The following ALDH1A1 variants were observed in gnomAD, a reference collection of about 807,000 sequenced individuals.
ALDH1A1 encodes the protein aldehyde dehydrogenase 1 family member A1.
In ALDH1A1, 19 loss-of-function variants were observed where a neutral mutation model predicts 62.1. That is an observed-to-expected ratio of 0.31 (90% confidence interval 0.21 to 0.45). The LOEUF (loss-of-function observed/expected upper bound fraction) is 0.45, where lower values mean the gene tolerates loss of function less well. Among genes scored for constraint, ALDH1A1 ranks in the 20% least tolerant of loss-of-function variants. The pLI is 1.00. For synonymous variants in ALDH1A1, 231 were observed against 215.9 expected (o/e 1.07, Z -0.61); for missense variants, 521 against 607.1 (o/e 0.86, Z 1.49).
chr9:72,906,963 C>A (rs549992113), intron 11 of ALDH1A1, among the ~76,000 whole-genome samples: 116 of 152,166 alleles, frequency 7.6e-4, no homozygotes, highest in African/African-American at 2.7e-3. Context: ...CATAGCAAAC[C>A]CTTGCCTCTA....
Position 72,927,211 on chromosome 9 carries a change from C to G in ALDH1A1, c.443-34G>C, listed in dbSNP as rs767261163. ...TAAAACACACACAATCATATATAAA[C>G]AAATGTATTTGACATTCACAAAATG... On this transcript the variant is annotated intron_variant, in intron 4 of 12. Coordinates refer to ENST00000297785, the MANE Select transcript of ALDH1A1 (RefSeq NM_000689.5). 4 of 1,479,038 alleles carry G rather than the reference C, an allele frequency of 2.7e-6. No homozygotes were observed. The Admixed American group carries it at 5.9e-5, about 22-fold the overall frequency. The allele number at this position is 1,479,038 out of a possible 1,614,324, so 91.6% of individuals were successfully genotyped here. A position where few individuals can be genotyped will look rare whatever the true frequency, so the allele number is the denominator to read the frequency against.
rs544517020 is a variant in ALDH1A1 at position 72,906,161 on chromosome 9, A to T, written c.1359-129T>A. 3.0e-4 allele frequency: 183 copies of T among 607,028 alleles called. 2 individuals are homozygous for T. In the South Asian group the frequency reaches 4.5e-3, roughly 15 times the overall value. 37.6% of individuals were successfully genotyped at this position (607,028 alleles called of 1,614,324 possible). ...ATTTCATTATAACATACTCATCTTGATAAAAAAAAGTAGCACTATAAATTA... is the reference window on the plus strand; with the variant it reads ...ATTTCATTATAACATACTCATCTTGTTAAAAAAAAGTAGCACTATAAATTA... On this transcript the variant is annotated intron_variant, in intron 11 of 12. Transcript: ENST00000297785.
At chr9:72,903,993 C>G (rs902513707) in intron 12 of ALDH1A1, among the ~76,000 whole-genome samples, 14 of 152,010 alleles carry the variant, frequency 9.2e-5, no homozygotes, top group African/African-American at 2.9e-4. Flanking sequence ...AAGGAAGAAA[C>G]CCATTTGTTG....
At chr9:72,908,158 G>A (rs1265086853) in intron 11 of ALDH1A1, among the ~76,000 whole-genome samples, 1 of 151,960 alleles carries the variant, frequency 6.6e-6, no homozygotes, top group East Asian at 1.9e-4. Flanking sequence ...GGTGGCTCAG[G>A]CCTGTAATCC....
At chr9:72,922,402 G>C (rs1323661010) in intron 7 of ALDH1A1, among the ~76,000 whole-genome samples, 1 of 151,998 alleles carries the variant, frequency 6.6e-6, no homozygotes, top group African/African-American at 2.4e-5. Context: ...AATGTTATAG[G>C]GGATCATGGA....
intron 7 of ALDH1A1, 145 bp from the exon 8 acceptor site, chr9:72,918,967 G>C (rs1350711225): frequency 1.7e-6 from 1 of 583,640 alleles, no homozygotes; most frequent in African/African-American, 1.9e-5. Context: ...TTGAGACGAA[G>C]TCTCACACTG....
intron 1 of ALDH1A1, among the ~76,000 whole-genome samples, chr9:72,949,677 G>GTC (rs1291180429): frequency 7.3e-5 from 11 of 151,560 alleles, no homozygotes; most frequent in Admixed American, 7.3e-4. Context: ...GTGTGTGTGT[G>GTC]TGTGTGTATG....
At chr9:72,906,154 C>A in intron 11 of ALDH1A1, 122 bp from the exon 12 acceptor site, 1 of 612,728 alleles carries the variant, frequency 1.6e-6, no homozygotes, top group South Asian at 2.6e-5. Flanking sequence ...ATAACATACT[C>A]ATCTTGATAA....
chr9:72,906,344 TG>T (rs1226831625), intron 11 of ALDH1A1, among the ~76,000 whole-genome samples: 1 of 152,166 alleles, frequency 6.6e-6, no homozygotes, highest in Non-Finnish European at 1.5e-5. Context: ...GGGAAAGATA[TG>T]GTTTGCTAGA....
At chr9:72,923,997 T>C (rs1830173797) in intron 7 of ALDH1A1, 22 bp downstream of exon 7, 1 of 1,521,976 alleles carries the variant, frequency 6.6e-7, no homozygotes, top group Non-Finnish European at 9.0e-7. Flanking sequence ...TCTTAACTTT[T>C]GCCCTGAGTA....
chr9:72,928,763 A>T, intron 4 of ALDH1A1, 129 bp downstream of exon 4: 1 of 1,077,818 alleles, frequency 9.3e-7, no homozygotes, highest in Non-Finnish European at 1.2e-6. Context: ...TGTTGTCTCA[A>T]AGTCAAGAGG....
chr9:72,925,270 A>C (rs1830190106), intron 6 of ALDH1A1, among the ~76,000 whole-genome samples: 1 of 152,302 alleles, frequency 6.6e-6, no homozygotes, highest in South Asian at 2.1e-4. Flanking sequence ...TTTGACACCA[A>C]ACCTTTGTGT....
In ALDH1A1 at chr9:72,901,048, A is replaced by G. The variant is rs1170304330; in HGVS notation, c.*160T>C. 6.2e-6 allele frequency: 3 copies of G among 482,462 alleles called. No homozygotes were observed. Among genetic ancestry groups the G allele is most frequent in the Non-Finnish European group, 7.4e-6 (2 of 271,598 alleles). The allele number at this position is 482,462 out of a possible 1,614,324, so 29.9% of individuals were successfully genotyped here. A position where few individuals can be genotyped will look rare whatever the true frequency, so the allele number is the denominator to read the frequency against. ...GCAAATAATTCTTTCAGAAGAAGCT[A>G]CATGTCAAGTTTTCTATGGGTAGTA... is the stretch of plus-strand genomic sequence containing the variant. On this transcript the variant is annotated 3_prime_UTR_variant, in exon 13 of 13. Coordinates refer to ENST00000297785, the MANE Select transcript of ALDH1A1 (RefSeq NM_000689.5).
In ALDH1A1 at chr9:72,930,984, C is replaced by G. The variant is rs769693079; in HGVS notation, c.207G>C (p.Gln69His). 1.2e-6 allele frequency: 2 copies of G among 1,613,902 alleles called. No homozygotes were observed. The highest frequency in any genetic ancestry group is 1.7e-6 in the Non-Finnish European group (2 of 1,179,950). ...DVDKAVKAAR[Q>H]AFQIGSPWRT... Reference sequence around the variant, plus strand: ...GCCACGGGGATCCAATCTGAAAAGCCTGTCTTGCGGCCTTCACTGCCTTGT... The same window carrying G: ...GCCACGGGGATCCAATCTGAAAAGCGTGTCTTGCGGCCTTCACTGCCTTGT... Residue 69 changes from glutamine (Q) to histidine (H), a missense_variant, in exon 3 of 13, where the codon CAG becomes CAC. Physicochemically the swap from Gln to His is conservative, Grantham distance 24 (BLOSUM62 0). Transcript: ENST00000297785.
intron 2 of ALDH1A1, among the ~76,000 whole-genome samples, chr9:72,933,625 A>T (rs1210960188): frequency 8.2e-5 from 1 of 12,196 alleles, no homozygotes; most frequent in Admixed American, 1.6e-3. Flanking sequence ...AAAAAGCAAG[A>T]CAAAAGAAAA....
At chr9:72,909,152 C>G (rs533111465) in intron 11 of ALDH1A1, among the ~76,000 whole-genome samples, 1 of 126,686 alleles carries the variant, frequency 7.9e-6, no homozygotes, top group Non-Finnish European at 1.6e-5. Flanking sequence ...TCTTCCAATA[C>G]AGCTTTTTTT....
Position 72,918,835 on chromosome 9 carries a change from AT to A in ALDH1A1, c.748-14del. 1 of 1,603,986 alleles carries A rather than the reference AT, an allele frequency of 6.2e-7. No homozygotes were observed. Among genetic ancestry groups the A allele is most frequent in the Non-Finnish European group, 8.5e-7 (1 of 1,170,826 alleles). On this transcript the variant is annotated splice_polypyrimidine_tract_variant and intron_variant, in intron 7 of 12. Transcript: ENST00000297785. ...TCAACTTGCCAACCTGAAAGGGAGC[AT>A]TACAAAGGAGGAGGCTTACCCTGCT...
intron 9 of ALDH1A1, among the ~76,000 whole-genome samples, chr9:72,914,816 CT>C (rs1465239765): frequency 6.6e-6 from 1 of 151,956 alleles, no homozygotes; most frequent in Non-Finnish European, 1.5e-5. Context: ...ATTTTTTCCC[CT>C]AAAACAAATC....
chr9:72,938,655 C>T (rs1334345264), intron 2 of ALDH1A1, among the ~76,000 whole-genome samples: 2 of 151,922 alleles, frequency 1.3e-5, no homozygotes. Flanking sequence ...CCATGTTGGC[C>T]AGAATGGTCT....
Sources: gnomAD v4.1 joint callset for allele counts (sites outside exome capture counted in the v4.1 genomes callset) on GRCh38, gnomAD v4.1.1 for gene constraint, MANE v1.5 for transcripts, NCBI Gene and HGNC (gene_info 2026-07-23, HGNC 2026-07-21) for gene names.